Variants in LRMDA observed in about 807,000 individuals in gnomAD.
LRMDA encodes the protein leucine rich melanocyte differentiation associated, also known as leucine-rich melanocyte differentiation-associated protein.
A neutral mutation model predicts 29.8 loss-of-function variants in LRMDA; 18 were observed. That is an observed-to-expected ratio of 0.60 (90% CI 0.42 to 0.90). LRMDA has a LOEUF of 0.90. Among genes scored for constraint, LRMDA ranks in the 40% least tolerant of loss-of-function variants. The pLI is 0.00. For missense variants in LRMDA, 273 were observed against 273.9 expected (o/e 1.00, Z 0.02); for synonymous variants, 125 against 109.4 (o/e 1.14, Z -0.89).
At chr10:75,482,846 A>G (rs571046130) in intron 2 of LRMDA, among the ~76,000 whole-genome samples, 3 of 152,368 alleles carry the variant, frequency 2.0e-5, no homozygotes, top group Admixed American at 6.5e-5. Flanking sequence ...GTTGTTTGCA[A>G]TAGAGTGGTG....
intron 5 of LRMDA, among the ~76,000 whole-genome samples, chr10:76,159,990 C>T (rs1043298119): frequency 6.6e-6 from 1 of 151,982 alleles, no homozygotes; most frequent in Non-Finnish European, 1.5e-5. Flanking sequence ...ATGGAATGTA[C>T]AACACCAAGC....
At chr10:76,022,976 G>A (rs930573932) in intron 2 of LRMDA, among the ~76,000 whole-genome samples, 2 of 151,716 alleles carry the variant, frequency 1.3e-5, no homozygotes, top group Non-Finnish European at 2.9e-5. Context: ...TGACTAGTGC[G>A]ATGAATTAAC....
In LRMDA at chr10:75,865,639, A is replaced by T. The variant is rs148325438; in HGVS notation, c.132-170369A>T. ...ATTTGTTTGTCAGCTCTGTTGTCCA[A>T]TGATATTCAAGTGAGTACCTGCCGT... On this transcript the variant is annotated intron_variant, in intron 2 of 6. Coordinates refer to ENST00000611255, the MANE Select transcript of LRMDA (RefSeq NM_001305581.2). Among the ~76,000 whole-genome samples the T allele has an allele frequency of 4.9e-3, 748 of 152,316 alleles. 12 individuals are homozygous for T. Among genetic ancestry groups the T allele is most frequent in the African/African-American group, 0.017 (713 of 41,568 alleles).
intron 2 of LRMDA, among the ~76,000 whole-genome samples, chr10:75,790,027 T>C (rs1843538871): frequency 6.6e-6 from 1 of 152,146 alleles, no homozygotes; most frequent in Admixed American, 6.6e-5. Context: ...AGATTTTCAG[T>C]ATATCTTTGC....
At chr10:75,615,758 G>A (rs1285213088) in intron 2 of LRMDA, among the ~76,000 whole-genome samples, 1 of 152,186 alleles carries the variant, frequency 6.6e-6, no homozygotes. Context: ...CTTCAAGGCT[G>A]TGTAACCTTA....
At chr10:75,453,843 G>A (rs1844486262) in intron 2 of LRMDA, among the ~76,000 whole-genome samples, 1 of 152,136 alleles carries the variant, frequency 6.6e-6, no homozygotes, top group South Asian at 2.1e-4. Context: ...CCATCATAGG[G>A]GCCATGGCTG....
chr10:76,524,206 C>G (rs1464637868), intron 6 of LRMDA, among the ~76,000 whole-genome samples: 1 of 151,982 alleles, frequency 6.6e-6, no homozygotes, highest in Non-Finnish European at 1.5e-5. Context: ...TGGAAGGGAG[C>G]AAATGTCAGC....
intron 6 of LRMDA, among the ~76,000 whole-genome samples, chr10:76,476,116 T>A (rs1842667467): frequency 6.6e-6 from 1 of 151,856 alleles, no homozygotes; most frequent in Admixed American, 6.6e-5. Context: ...CAGGAGCTGG[T>A]TTTTTGAAAA....
intron 2 of LRMDA, among the ~76,000 whole-genome samples, chr10:75,619,709 C>G (rs1320500673): frequency 6.6e-6 from 1 of 152,166 alleles, no homozygotes; most frequent in African/African-American, 2.4e-5. Context: ...CAGCAACTCT[C>G]CTTGAAGTAC....
At position 75,567,260 on chromosome 10, in the gene LRMDA, A is replaced by T. The variant is rs114927631; in HGVS notation, c.131+128766A>T. ...TTCAGCACAGGCATCAAGGCCTTCCACATTCAGGTGCCCTTGCCTTCCTTC... is the reference window on the plus strand; with the variant it reads ...TTCAGCACAGGCATCAAGGCCTTCCTCATTCAGGTGCCCTTGCCTTCCTTC... On this transcript the variant is annotated intron_variant, in intron 2 of 6. Coordinates refer to ENST00000611255, the MANE Select transcript of LRMDA (RefSeq NM_001305581.2). Among the ~76,000 whole-genome samples the T allele has an allele frequency of 1.8e-3, 268 of 152,284 alleles. 1 individual carries two copies. The highest frequency in any genetic ancestry group is 6.1e-3 in the African/African-American group (252 of 41,570).
intron 5 of LRMDA, among the ~76,000 whole-genome samples, chr10:76,238,861 A>G (rs1852214505): frequency 6.6e-6 from 1 of 151,966 alleles, no homozygotes; most frequent in African/African-American, 2.4e-5. Flanking sequence ...CGGCACCCTT[A>G]CACACTTGGC....
At chr10:75,498,919 T>A (rs769009392) in intron 2 of LRMDA, among the ~76,000 whole-genome samples, 3 of 151,942 alleles carry the variant, frequency 2.0e-5, no homozygotes, top group Non-Finnish European at 2.9e-5. Flanking sequence ...TTTGGGAGGA[T>A]GAACTGGAGG....
chr10:76,513,850 G>A (rs1381925878), intron 6 of LRMDA, among the ~76,000 whole-genome samples: 1 of 152,162 alleles, frequency 6.6e-6, no homozygotes, highest in Non-Finnish European at 1.5e-5. Context: ...CTGTTCCTAG[G>A]AGTGTAGACC....
Position 76,282,428 on chromosome 10 carries a change from G to A in LRMDA, c.517-41973G>A, listed in dbSNP as rs1187845602. Among the ~76,000 whole-genome samples, 3 of 152,272 alleles carry A rather than the reference G, an allele frequency of 2.0e-5. No homozygotes were observed. In the South Asian group the frequency reaches 6.2e-4, roughly 32 times the overall value. ...CTATTATGAAAGTATTTCAGCCTGC[G>A]TCGACCCCAGTGTTTGTGCAGTCAA... On this transcript the variant is annotated intron_variant, in intron 5 of 6. Coordinates refer to ENST00000611255, the MANE Select transcript of LRMDA (RefSeq NM_001305581.2).
chr10:76,105,877 G>C (rs1849472193), intron 5 of LRMDA, among the ~76,000 whole-genome samples: 1 of 152,184 alleles, frequency 6.6e-6, no homozygotes. Flanking sequence ...CTCCTGAGTA[G>C]CTGGGACTAC....
At chr10:75,657,992 T>G (rs1841699963) in intron 2 of LRMDA, among the ~76,000 whole-genome samples, 1 of 152,168 alleles carries the variant, frequency 6.6e-6, no homozygotes, top group Non-Finnish European at 1.5e-5. Flanking sequence ...ATGTGGACCC[T>G]GCTGGATGCG....
At chr10:76,305,778 C>G (rs115794523) in intron 5 of LRMDA, among the ~76,000 whole-genome samples, 1 of 151,882 alleles carries the variant, frequency 6.6e-6, no homozygotes, top group Non-Finnish European at 1.5e-5. Context: ...CATATGTATA[C>G]GTTTAGATGA....
In LRMDA at chr10:76,341,927, A is replaced by C. The variant is rs150249112; in HGVS notation, c.601+17442A>C. 6.3e-3 allele frequency among the ~76,000 whole-genome samples: 957 copies of C among 152,292 alleles called. 9 individuals are homozygous for C. The highest frequency in any genetic ancestry group is 0.021 in the African/African-American group (892 of 41,552). On this transcript the variant is annotated intron_variant, in intron 6 of 6. Coordinates refer to ENST00000611255, the MANE Select transcript of LRMDA (RefSeq NM_001305581.2). ...GCATTACTTTGGCCATATTCTGTTC[A>C]TTACGGTAGTTACAAAAGTCCTGCT...
chr10:76,141,941 T>C lies in LRMDA; in HGVS notation c.516+83158T>C, dbSNP rs138818165. Among the ~76,000 whole-genome samples the C allele has an allele frequency of 1.8e-3, 271 of 152,236 alleles. 1 individual carries two copies. The highest frequency in any genetic ancestry group is 6.1e-3 in the African/African-American group (255 of 41,558). On this transcript the variant is annotated intron_variant, in intron 5 of 6. Coordinates refer to ENST00000611255, the MANE Select transcript of LRMDA (RefSeq NM_001305581.2). ...TTTCTAACTTCCACTGGATATCCTG[T>C]TTGAATCGTGGATGCATTTACATGT...
Sources: allele counts gnomAD v4.1 joint callset (sites outside exome capture counted in the v4.1 genomes callset), GRCh38; gene constraint gnomAD v4.1.1; transcripts MANE v1.5; gene names NCBI Gene and HGNC (gene_info 2026-07-23, HGNC 2026-07-21).